RARB: variants seen among roughly 807,000 people sequenced by gnomAD.
RARB encodes the protein retinoic acid receptor beta, also known as HBV-activated protein.
In RARB, 17 loss-of-function variants were observed where a neutral mutation model predicts 51.9. The ratio of observed to expected loss-of-function variants is 0.33; its 90% CI spans 0.22 to 0.49. The LOEUF is 0.49. Ranked by LOEUF, RARB falls within the 20% of genes least tolerant of loss-of-function variation. The pLI is 0.99. For missense variants in RARB, 369 were observed against 550.8 expected, an observed-to-expected ratio of 0.67 and a Z score of 3.30; for synonymous variants, 215 against 195.4, an observed-to-expected ratio of 1.10 and a Z score of -0.84.
chr3:25,488,292 G>A (rs1696564774), intron 2 of RARB, among the ~76,000 whole-genome samples: 1 of 152,170 alleles, frequency 6.6e-6, no homozygotes. Flanking sequence ...TGTGTGTTCC[G>A]AGGAAGAAGG....
chr3:25,310,889 A>G (rs530244685), intron 5 of RARB, among the ~76,000 whole-genome samples: 3 of 152,300 alleles, frequency 2.0e-5, no homozygotes, highest in African/African-American at 7.2e-5. Flanking sequence ...CAGAATTTGC[A>G]TGTAAATAAA....
intron 5 of RARB, among the ~76,000 whole-genome samples, chr3:25,242,698 T>G (rs1303684796): frequency 6.6e-6 from 1 of 152,192 alleles, no homozygotes; most frequent in Non-Finnish European, 1.5e-5. Context: ...CCATGCTGTT[T>G]TGGTTATTGT....
intron 2 of RARB, among the ~76,000 whole-genome samples, chr3:25,024,194 A>G (rs975722460): frequency 1.1e-4 from 17 of 152,236 alleles, no homozygotes; most frequent in Non-Finnish European, 2.2e-4. Context: ...AGACTTTTGT[A>G]GATTTTTCTT....
intron 4 of RARB, among the ~76,000 whole-genome samples, chr3:25,148,001 A>G (rs956901067): frequency 6.6e-6 from 1 of 152,200 alleles, no homozygotes; most frequent in African/African-American, 2.4e-5. Flanking sequence ...TTTTATTTGA[A>G]CCACATTCCT....
intron 5 of RARB, among the ~76,000 whole-genome samples, chr3:25,207,713 T>A (rs2125375701): frequency 6.6e-6 from 1 of 152,340 alleles, no homozygotes; most frequent in Middle Eastern, 3.4e-3. Context: ...CCCAAGTAGT[T>A]AGAGCAGTAT....
chr3:25,072,743 C>A (rs1485089052), intron 3 of RARB, among the ~76,000 whole-genome samples: 1 of 151,796 alleles, frequency 6.6e-6, no homozygotes, highest in East Asian at 1.9e-4. Flanking sequence ...GAGTCTCGCT[C>A]TGTCGCCCAG....
chr3:24,895,937 A>G (rs1703469911), intron 2 of RARB, among the ~76,000 whole-genome samples: 2 of 152,240 alleles, frequency 1.3e-5, no homozygotes, highest in South Asian at 4.1e-4. Flanking sequence ...CATTATTCAC[A>G]ATAGCCAAAA....
chr3:25,268,616 T>G (rs1659554600), intron 5 of RARB, among the ~76,000 whole-genome samples: 1 of 152,210 alleles, frequency 6.6e-6, no homozygotes, highest in African/African-American at 2.4e-5. Context: ...GCCTTCCTTG[T>G]TGTACAAACA....
At chr3:24,867,065 C>A (rs1159468808) in intron 2 of RARB, among the ~76,000 whole-genome samples, 3 of 152,098 alleles carry the variant, frequency 2.0e-5, no homozygotes, top group Non-Finnish European at 2.9e-5. Context: ...AAAGGCCAAG[C>A]TTAGGTTCTA....
At chr3:25,369,607 A>G (rs1706237003) in intron 5 of RARB, among the ~76,000 whole-genome samples, 1 of 152,218 alleles carries the variant, frequency 6.6e-6, no homozygotes, top group South Asian at 2.1e-4. Context: ...TCACATTGGC[A>G]TAAGCAAGCA....
chr3:25,474,458 G>A (rs904266650), intron 2 of RARB, among the ~76,000 whole-genome samples: 1 of 152,074 alleles, frequency 6.6e-6, no homozygotes, highest in Non-Finnish European at 1.5e-5. Flanking sequence ...TGAGGTGGTG[G>A]TATTTTTTTT....
chr3:24,863,342 C>G (rs959392883), intron 2 of RARB, among the ~76,000 whole-genome samples: 1 of 152,162 alleles, frequency 6.6e-6, no homozygotes, highest in Non-Finnish European at 1.5e-5. Context: ...TTGGTGATGA[C>G]AATTCCCTGT....
At chr3:24,835,812 T>C (rs556244426) in intron 1 of RARB, among the ~76,000 whole-genome samples, 2 of 152,278 alleles carry the variant, frequency 1.3e-5, no homozygotes, top group South Asian at 2.1e-4. Flanking sequence ...AAAGAAACAG[T>C]GGGTGGTGAA....
intron 2 of RARB, among the ~76,000 whole-genome samples, chr3:24,931,466 T>G (rs1357894396): frequency 6.6e-6 from 1 of 152,054 alleles, no homozygotes; most frequent in African/African-American, 2.4e-5. Context: ...TCTACCTCAG[T>G]GCTCTTTACT....
chr3:25,500,225 A>G, intron 2 of RARB, among the ~76,000 whole-genome samples: 1 of 152,130 alleles, frequency 6.6e-6, no homozygotes, highest in Non-Finnish European at 1.5e-5. Flanking sequence ...ATTAATTTTG[A>G]TTTAAGTAGC....
At position 25,339,781 on chromosome 3, in the gene RARB, G is replaced by A. The variant is rs143960433; in HGVS notation, c.179-121412G>A. Among the ~76,000 whole-genome samples the A allele has an allele frequency of 1.7e-3, 264 of 152,126 alleles. 1 individual carries two copies. Among genetic ancestry groups the A allele is most frequent in the African/African-American group, 5.9e-3 (243 of 41,502 alleles). On this transcript the variant is annotated intron_variant, in intron 5 of 11. Transcript: ENST00000383772. ...CCATAGCATTGTACCTCCAGAGAAG[G>A]TCTGAAGACTGGGCTCAACTAATCA... is the stretch of plus-strand genomic sequence containing the variant.
intron 3 of RARB, among the ~76,000 whole-genome samples, chr3:25,120,395 C>A (rs139182873): frequency 8.0e-4 from 122 of 152,062 alleles, no homozygotes; most frequent in African/African-American, 2.8e-3. Flanking sequence ...TCCAACTTGT[C>A]AAGAAAAACA....
At chr3:25,529,688 G>A (rs1698811767) in intron 3 of RARB, among the ~76,000 whole-genome samples, 1 of 152,128 alleles carries the variant, frequency 6.6e-6, no homozygotes, top group Non-Finnish European at 1.5e-5. Context: ...CTTGATCATA[G>A]TGGTTTTCCC....
chr3:25,021,793 C>CACTATA (rs1169458029), intron 2 of RARB, among the ~76,000 whole-genome samples: 1 of 152,106 alleles, frequency 6.6e-6, no homozygotes, highest in Admixed American at 6.5e-5. Flanking sequence ...AGACACAAGT[C>CACTATA]ACTATCTCAC....
Sources: allele counts gnomAD v4.1 joint callset (sites outside exome capture counted in the v4.1 genomes callset), GRCh38; gene constraint gnomAD v4.1.1; transcripts MANE v1.5; gene names NCBI Gene and HGNC (gene_info 2026-07-23, HGNC 2026-07-21).